The following DNAH8 variants were observed in gnomAD, a reference collection of about 807,000 sequenced individuals.
The protein encoded by DNAH8 is axonemal beta dynein heavy chain 8.
DNAH8 carries 382 observed loss-of-function variants against 562.1 expected under a neutral mutation model. The ratio of observed to expected loss-of-function variants is 0.68; its 90% CI spans 0.63 to 0.74. The LOEUF is 0.74. Ranked by LOEUF, DNAH8 falls within the 30% of genes least tolerant of loss-of-function variation. DNAH8 has a pLI of 0.00. For missense variants in DNAH8, 5,203 were observed against 5,620.4 expected, an observed-to-expected ratio of 0.93 and a Z score of 2.37; for synonymous variants, 1,881 against 1,919.4, an observed-to-expected ratio of 0.98 and a Z score of 0.52.
intron 45 of DNAH8, among the ~76,000 whole-genome samples, chr6:38,865,434 T>A (rs1432825035): frequency 6.6e-6 from 1 of 152,146 alleles, no homozygotes; most frequent in Non-Finnish European, 1.5e-5. Context: ...ATATTGGAAA[T>A]AGCAATTAGA....
At chr6:38,945,084 C>T (rs1783757759) in intron 79 of DNAH8, among the ~76,000 whole-genome samples, 1 of 152,032 alleles carries the variant, frequency 6.6e-6, no homozygotes, top group Non-Finnish European at 1.5e-5. Context: ...TAATGGCAAG[C>T]TTCTGGAGGA....
At chr6:38,841,810 T>C (rs1003842337) in intron 33 of DNAH8, among the ~76,000 whole-genome samples, 1 of 152,076 alleles carries the variant, frequency 6.6e-6, no homozygotes, top group African/African-American at 2.4e-5. Context: ...CTTGAACTCC[T>C]GGGCTCAAGC....
intron 41 of DNAH8, among the ~76,000 whole-genome samples, chr6:38,854,970 CTA>C (rs891178765): frequency 1.1e-4 from 16 of 146,738 alleles, no homozygotes; most frequent in East Asian, 5.9e-4. Context: ...GTATATAATA[CTA>C]TATATATAAT....
chr6:38,883,239 A>G, intron 54 of DNAH8, 83 bp from the exon 55 acceptor site: 2 of 1,443,596 alleles, frequency 1.4e-6, no homozygotes, highest in Non-Finnish European at 1.9e-6. Flanking sequence ...ATTAATTTAT[A>G]GAAGACTAGC....
At chr6:38,956,339 A>G (rs1469220604) in intron 82 of DNAH8, among the ~76,000 whole-genome samples, 3 of 152,070 alleles carry the variant, frequency 2.0e-5, no homozygotes, top group Non-Finnish European at 2.9e-5. Context: ...TTCTGAGCCA[A>G]TGAGATGAGC....
intron 29 of DNAH8, among the ~76,000 whole-genome samples, chr6:38,827,917 G>A (rs1463253076): frequency 1.3e-5 from 2 of 151,590 alleles, no homozygotes; most frequent in Admixed American, 6.6e-5. Flanking sequence ...TGTTGACATA[G>A]GGTCAAGGAG....
At chr6:38,888,976 A>T (rs150679292) in intron 57 of DNAH8, among the ~76,000 whole-genome samples, 143 of 152,294 alleles carry the variant, frequency 9.4e-4, no homozygotes, top group African/African-American at 3.0e-3. Context: ...GTATTCTTTT[A>T]TGTTTTCTTC....
intron 45 of DNAH8, among the ~76,000 whole-genome samples, chr6:38,864,738 G>C (rs1776914163): frequency 6.6e-6 from 1 of 152,146 alleles, no homozygotes. Flanking sequence ...CTAGAAACAG[G>C]AAGGACCTGA....
chr6:38,841,536 A>G (rs1318014100), intron 33 of DNAH8, among the ~76,000 whole-genome samples: 2 of 152,386 alleles, frequency 1.3e-5, no homozygotes, highest in East Asian at 3.9e-4. Context: ...CAATCCTTAT[A>G]AATAAACTTG....
chr6:38,929,593 T>C lies in DNAH8; in HGVS notation c.11201T>C (p.Ile3734Thr), dbSNP rs762661753. ...SLGRPLLIEDIHEELDPALDN... is the reference protein window; with the variant it reads ...SLGRPLLIEDTHEELDPALDN... ...GGCCGACCCCTTCTCATTGAGGACA[T>C]TCATGAAGAGCTGGATCCAGCCTTG... The change falls in exon 75 of 93, where the codon ATT becomes ACT. Residue 3734 changes from isoleucine (I) to threonine (T), a missense_variant. Ile to Thr is a moderately conservative substitution (Grantham distance 89). Around this residue, in one of 6 missense-constraint regions of DNAH8, gnomAD observed 1,399 missense variants for 1,518.4 expected, o/e 0.92. Transcript: ENST00000327475. The C allele has an allele frequency of 5.0e-6, 8 of 1,611,948 alleles. No individual in the cohort carries two copies. Among genetic ancestry groups the C allele is most frequent in the Non-Finnish European group, 6.8e-6 (8 of 1,179,368 alleles).
intron 22 of DNAH8, 104 bp from the exon 23 acceptor site, chr6:38,805,377 A>C: frequency 1.4e-6 from 1 of 696,972 alleles, no homozygotes; most frequent in Non-Finnish European, 2.5e-6. Context: ...TTTTAAAAGT[A>C]AGAGCTTTTT....
At chr6:38,977,631 A>G (rs2150703687) in intron 85 of DNAH8, among the ~76,000 whole-genome samples, 1 of 152,278 alleles carries the variant, frequency 6.6e-6, no homozygotes, top group East Asian at 1.9e-4. Flanking sequence ...GAGCAAGCCC[A>G]CATTCACCCT....
At chr6:38,901,954 G>A (rs1780110320) in intron 62 of DNAH8, among the ~76,000 whole-genome samples, 1 of 152,152 alleles carries the variant, frequency 6.6e-6, no homozygotes, top group Admixed American at 6.5e-5. Context: ...ACACTCCCAG[G>A]TGGCAGAGCT....
chr6:38,844,570 T>G (rs1320570020), intron 35 of DNAH8, among the ~76,000 whole-genome samples: 1 of 152,234 alleles, frequency 6.6e-6, no homozygotes, highest in Non-Finnish European at 1.5e-5. Flanking sequence ...AAGTAGGTTT[T>G]TATACTTAAT....
In DNAH8 at chr6:38,951,349, G is replaced by T. The variant is rs1340806081; in HGVS notation, c.12280G>T (p.Ala4094Ser). Residue 4094 changes from alanine to serine, a missense_variant, in exon 82 of 93, where the codon GCA becomes TCA. Ala to Ser is a moderately conservative substitution (Grantham distance 99, BLOSUM62 1). Coordinates refer to ENST00000327475, the MANE Select transcript of DNAH8 (RefSeq NM_001206927.2). ...GTGCCCAGACCGTACTGTTTTTCAA[G>T]CAAGAAAGTATATTGCAGATTCTTT... ...SWCPDRTVFQARKYIADSLEE... is the reference protein window; with the variant it reads ...SWCPDRTVFQSRKYIADSLEE... 3.1e-6 allele frequency: 5 copies of T among 1,614,040 alleles called. No individual in the cohort carries two copies. The highest frequency in any genetic ancestry group is 4.2e-6 in the Non-Finnish European group (5 of 1,180,034).
chr6:38,904,773 G>T (rs1207432767), intron 62 of DNAH8, among the ~76,000 whole-genome samples: 5 of 104,490 alleles, frequency 4.8e-5, no homozygotes, highest in African/African-American at 1.2e-4. Flanking sequence ...GCCTGGGCAA[G>T]AAGAGTGAAA....
intron 65 of DNAH8, among the ~76,000 whole-genome samples, chr6:38,910,531 T>C (rs1256202348): frequency 6.6e-6 from 1 of 152,214 alleles, no homozygotes; most frequent in Admixed American, 6.5e-5. Context: ...CCAAATTCTC[T>C]TGGTGAATCA....
intron 41 of DNAH8, among the ~76,000 whole-genome samples, chr6:38,853,824 C>T (rs895463097): frequency 1.8e-4 from 27 of 152,112 alleles, no homozygotes; most frequent in Admixed American, 5.2e-4. Flanking sequence ...AATCTTCTAA[C>T]ACCAAGCCTA....
At chr6:38,852,627 G>A (rs1775845465) in intron 39 of DNAH8, 67 bp from the exon 40 acceptor site, 3 of 1,111,320 alleles carry the variant, frequency 2.7e-6, no homozygotes, top group East Asian at 2.4e-5. Flanking sequence ...AAATATTAAG[G>A]CTTTTAAAAA....
Sources: allele counts gnomAD v4.1 joint callset (sites outside exome capture counted in the v4.1 genomes callset), GRCh38; gene constraint gnomAD v4.1.1; regional missense constraint gnomAD v4.1.1; transcripts MANE v1.5; gene names NCBI Gene and HGNC (gene_info 2026-07-23, HGNC 2026-07-21).